PCDHA5: variants seen among roughly 807,000 people sequenced by gnomAD.
The protein encoded by PCDHA5 is protocadherin alpha-5.
Under a neutral mutation model 61.6 loss-of-function variants are expected in PCDHA5, and 43 were observed. The ratio of observed to expected loss-of-function variants is 0.70; its 90% CI spans 0.55 to 0.90. The LOEUF is 0.90. PCDHA5 is among the 40% of genes least tolerant of loss of function. PCDHA5 has a pLI of 0.00. For synonymous variants in PCDHA5, 627 were observed against 543.9 expected (o/e 1.15, Z -2.13); for missense variants, 1,298 against 1,222.7 (o/e 1.06, Z -0.92).
intron 1 of PCDHA5, chr5:140,836,109 G>C (rs2150253080): frequency 6.2e-7 from 1 of 1,613,728 alleles, no homozygotes; most frequent in Non-Finnish European, 8.5e-7. Flanking sequence ...CACTGGTGGC[G>C]CAGTGAGAGA....
intron 1 of PCDHA5, chr5:140,882,292 C>G (rs2059050033): frequency 1.2e-6 from 2 of 1,613,422 alleles, no homozygotes; most frequent in African/African-American, 1.3e-5. Flanking sequence ...GGCAAGGAGG[C>G]CCAAGACCGC....
chr5:140,848,780 G>C, intron 1 of PCDHA5: 3 of 1,593,474 alleles, frequency 1.9e-6, no homozygotes, highest in South Asian at 1.1e-5. Flanking sequence ...GCGAGGAGCT[G>C]TGCGGGCGGA....
At chr5:140,880,317 A>C (rs1295276378) in intron 1 of PCDHA5, among the ~76,000 whole-genome samples, 1 of 152,248 alleles carries the variant, frequency 6.6e-6, no homozygotes, top group East Asian at 1.9e-4. Flanking sequence ...ACAAGTAAAA[A>C]ATAAGATACT....
rs1563353899 is a variant in PCDHA5, at chr5:140,966,713, G to A, written c.2353-12236G>A. The A allele has an allele frequency of 4.3e-6, 6 of 1,392,826 alleles. No individual in the cohort carries two copies. The African/African-American group carries it at 9.1e-5, about 21-fold the overall frequency. 86.3% of individuals were successfully genotyped at this position (1,392,826 alleles called of 1,614,324 possible). ...CGGGGCCCGGGCGTGGGGCACGGCTGGGGAAGCTGCCGCCTCCGGCCCTGC... is the reference window on the plus strand; with the variant it reads ...CGGGGCCCGGGCGTGGGGCACGGCTAGGGAAGCTGCCGCCTCCGGCCCTGC... On this transcript the variant is annotated intron_variant, in intron 1 of 3. Transcript: ENST00000529859.
At chr5:140,873,009 T>C (rs1397141967) in intron 1 of PCDHA5, among the ~76,000 whole-genome samples, 1 of 152,224 alleles carries the variant, frequency 6.6e-6, no homozygotes, top group African/African-American at 2.4e-5. Context: ...TCATTCTTCA[T>C]ATTTAGTTAT....
At chr5:140,863,310 G>A (rs2047937786) in intron 1 of PCDHA5, 2 of 1,463,012 alleles carry the variant, frequency 1.4e-6, no homozygotes, top group Non-Finnish European at 1.9e-6. Context: ...CCATCTGCGT[G>A]GTGTCCAGCC....
chr5:140,912,533 A>G (rs570012858), intron 1 of PCDHA5, among the ~76,000 whole-genome samples: 1 of 152,224 alleles, frequency 6.6e-6, no homozygotes, highest in African/African-American at 2.4e-5. Flanking sequence ...AGAGTACATG[A>G]TCATATTGTC....
intron 1 of PCDHA5, chr5:140,843,656 G>C (rs1294872443): frequency 1.9e-6 from 3 of 1,594,636 alleles, no homozygotes; most frequent in Non-Finnish European, 2.6e-6. Context: ...CCTTCCTCCT[G>C]ATCTGGGATC....
intron 3 of PCDHA5, among the ~76,000 whole-genome samples, chr5:140,997,899 G>T (rs2097789789): frequency 6.6e-6 from 1 of 152,126 alleles, no homozygotes; most frequent in Non-Finnish European, 1.5e-5. Context: ...TAAATTTCAA[G>T]AAGTAGAATT....
At position 140,876,825 on chromosome 5, in the gene PCDHA5, T is replaced by C. The variant is rs200732511; in HGVS notation, c.2352+52698T>C. ...TGGAGGTGGCCGACGTGAACGACAA[T>C]GCGCCTGCGTTCGCGCAGCCCGAGT... On this transcript the variant is annotated intron_variant, in intron 1 of 3. Transcript: ENST00000529859. The C allele has an allele frequency of 2.4e-4, 380 of 1,614,056 alleles. 4 individuals carry two copies. The East Asian group carries it at 3.4e-3, about 15-fold the overall frequency.
chr5:140,966,947 G>C (rs782439197), intron 1 of PCDHA5: 2 of 1,603,404 alleles, frequency 1.2e-6, no homozygotes, highest in East Asian at 2.2e-5. Flanking sequence ...CGTGGGCAAC[G>C]TGGCTCGCGC....
At chr5:140,968,519 A>C (rs1030847582) in intron 1 of PCDHA5, 1 of 1,614,008 alleles carries the variant, frequency 6.2e-7, no homozygotes, top group African/African-American at 1.3e-5. Flanking sequence ...CCCTACCTCA[A>C]CCAACTCGTC....
chr5:140,850,741 C>A, intron 1 of PCDHA5: 1 of 1,597,822 alleles, frequency 6.3e-7, no homozygotes, highest in Non-Finnish European at 8.6e-7. Context: ...GGGAGTTGGT[C>A]GTACTCGCAG....
At chr5:140,892,120 A>G (rs1242162429) in intron 1 of PCDHA5, among the ~76,000 whole-genome samples, 1 of 152,216 alleles carries the variant, frequency 6.6e-6, no homozygotes, top group Non-Finnish European at 1.5e-5. Context: ...TATATCTGGA[A>G]CACAATAAGC....
intron 1 of PCDHA5, chr5:140,857,093 G>T (rs1554149523): frequency 6.3e-7 from 1 of 1,597,336 alleles, no homozygotes; most frequent in Admixed American, 1.7e-5. Flanking sequence ...TTCACCTGAG[G>T]TGATTGTCAC....
At chr5:140,915,204 C>T (rs2077022161) in intron 1 of PCDHA5, among the ~76,000 whole-genome samples, 1 of 152,236 alleles carries the variant, frequency 6.6e-6, no homozygotes, top group East Asian at 1.9e-4. Flanking sequence ...ATCTTGGCCT[C>T]CCAAAGTGCT....
chr5:140,842,686 C>T lies in PCDHA5; in HGVS notation c.2352+18559C>T, dbSNP rs2150342048. Reference sequence around the variant, plus strand: ...ACGTGAACGACAATGCTCCGGCGTTCGCGCAGCCCGAGTACACGGTGTTCG... The same window carrying T: ...ACGTGAACGACAATGCTCCGGCGTTTGCGCAGCCCGAGTACACGGTGTTCG... On this transcript the variant is annotated intron_variant, in intron 1 of 3. Transcript: ENST00000529859. 1.9e-6 allele frequency: 3 copies of T among 1,595,316 alleles called. 1 individual carries two copies. The South Asian group carries it at 3.3e-5, about 18-fold the overall frequency.
chr5:140,881,595 TTAATA>T (rs2058765091), intron 1 of PCDHA5, among the ~76,000 whole-genome samples: 1 of 152,250 alleles, frequency 6.6e-6, no homozygotes, highest in Non-Finnish European at 1.5e-5. Flanking sequence ...GGGAAATTTA[TTAATA>T]TGATGTGCTT....
At chr5:140,982,845 C>A (rs1436674965) in intron 3 of PCDHA5, among the ~76,000 whole-genome samples, 1 of 151,978 alleles carries the variant, frequency 6.6e-6, no homozygotes, top group Non-Finnish European at 1.5e-5. Flanking sequence ...TTGTTTAAAT[C>A]AGGTACCTTT....
Sources: allele counts gnomAD v4.1 joint callset (sites outside exome capture counted in the v4.1 genomes callset), GRCh38; gene constraint gnomAD v4.1.1; transcripts MANE v1.5; gene names NCBI Gene and HGNC (gene_info 2026-07-23, HGNC 2026-07-21).